The following PRIM2 variants were observed in gnomAD, a reference collection of about 807,000 sequenced individuals.
PRIM2 encodes DNA primase large subunit.
In PRIM2, 39 loss-of-function variants were observed where a neutral mutation model predicts 67.3. That is an observed-to-expected ratio of 0.58 (90% CI 0.45 to 0.76). The LOEUF is 0.76. Ranked by LOEUF, PRIM2 falls within the 30% of genes least tolerant of loss-of-function variation. PRIM2 has a pLI of 0.00. For missense variants in PRIM2, 398 were observed against 598.7 expected, an observed-to-expected ratio of 0.66 and a Z score of 3.50; for synonymous variants, 143 against 198.7, an observed-to-expected ratio of 0.72 and a Z score of 2.36.
the PRIM2 span, among the ~76,000 whole-genome samples, chr6:57,244,083 C>G: frequency 6.6e-6 from 1 of 152,168 alleles, no homozygotes. Context: ...TTTCTGCAAT[C>G]AAGCCTGTGA....
At chr6:57,234,515 T>C in the PRIM2 span, among the ~76,000 whole-genome samples, 10 of 152,150 alleles carry the variant, frequency 6.6e-5, no homozygotes, top group African/African-American at 2.2e-4. Flanking sequence ...CTGTGTTTTA[T>C]TTTTATTTTA....
chr6:57,599,806 T>C (rs1297907739), intron 10 of PRIM2, among the ~76,000 whole-genome samples: 1 of 152,232 alleles, frequency 6.6e-6, no homozygotes, highest in Non-Finnish European at 1.5e-5. Context: ...CAATGCCTGA[T>C]GGTTAGTGAC....
At chr6:57,304,654 C>G in the PRIM2 span, among the ~76,000 whole-genome samples, 1 of 152,058 alleles carries the variant, frequency 6.6e-6, no homozygotes, top group African/African-American at 2.4e-5. Flanking sequence ...GGAAAGGACC[C>G]CTTCCCTCTG....
chr6:57,491,913 C>T (rs1773901220), intron 7 of PRIM2, among the ~76,000 whole-genome samples: 4 of 152,186 alleles, frequency 2.6e-5, no homozygotes, highest in Non-Finnish European at 1.5e-5. Flanking sequence ...GGCAGCTCCA[C>T]CCAGTCCTTC....
At chr6:57,591,252 A>G (rs1306565749) in intron 10 of PRIM2, among the ~76,000 whole-genome samples, 1 of 152,228 alleles carries the variant, frequency 6.6e-6, no homozygotes, top group Non-Finnish European at 1.5e-5. Context: ...CACTCTGGTT[A>G]TTAAAATTAT....
intron 7 of PRIM2, among the ~76,000 whole-genome samples, chr6:57,449,074 T>G (rs1272136019): frequency 6.6e-6 from 1 of 152,232 alleles, no homozygotes; most frequent in Non-Finnish European, 1.5e-5. Context: ...GCACTTTGCC[T>G]AACAACATTT....
upstream of PRIM2, among the ~76,000 whole-genome samples, chr6:57,310,801 G>A (rs1343467111): frequency 1.1e-4 from 16 of 148,938 alleles, no homozygotes; most frequent in African/African-American, 1.5e-4. Flanking sequence ...AGGCAGAGGC[G>A]CCCCTCACTT....
chr6:57,325,189 A>G (rs1767803930), intron 4 of PRIM2, among the ~76,000 whole-genome samples: 1 of 152,148 alleles, frequency 6.6e-6, no homozygotes, highest in African/African-American at 2.4e-5. Flanking sequence ...AGTTAATCTG[A>G]TCAAAGTTGC....
At chr6:57,585,401 T>C (rs2127486501) in intron 10 of PRIM2, among the ~76,000 whole-genome samples, 1 of 152,338 alleles carries the variant, frequency 6.6e-6, no homozygotes, top group Non-Finnish European at 1.5e-5. Flanking sequence ...AAGAGAGACC[T>C]TAGTATAGAA....
At chr6:57,582,612 T>G (rs1319943942) in intron 10 of PRIM2, among the ~76,000 whole-genome samples, 2 of 152,274 alleles carry the variant, frequency 1.3e-5, no homozygotes, top group East Asian at 3.9e-4. Context: ...TCTCTGGTTT[T>G]CATTGAAATC....
chr6:57,332,398 T>A (rs1293175559), intron 5 of PRIM2, among the ~76,000 whole-genome samples: 1 of 152,148 alleles, frequency 6.6e-6, no homozygotes. Flanking sequence ...TGGTCTATAG[T>A]GCTTTTCAAA....
At chr6:57,622,725 A>T (rs1776881758) in intron 12 of PRIM2, among the ~76,000 whole-genome samples, 1 of 152,186 alleles carries the variant, frequency 6.6e-6, no homozygotes, top group South Asian at 2.1e-4. Flanking sequence ...AAAACCATGA[A>T]ATATGAAAAA....
rs1771691069 is a variant in PRIM2, at chr6:57,428,085, T to C, written c.693+45917T>C. Among the ~76,000 whole-genome samples, 5 of 152,014 alleles carry C rather than the reference T, an allele frequency of 3.3e-5. No individual in the cohort carries two copies. In the South Asian group the frequency reaches 8.3e-4, roughly 25 times the overall value. On this transcript the variant is annotated intron_variant, in intron 7 of 13. Transcript: ENST00000615550. Reference sequence around the variant, plus strand: ...TAAAAAAAAAATTGCAGTAGAATTATGGCAGGCTTAATTTTAAACATTTAG... The same window carrying C: ...TAAAAAAAAAATTGCAGTAGAATTACGGCAGGCTTAATTTTAAACATTTAG...
the PRIM2 span, among the ~76,000 whole-genome samples, chr6:57,271,110 C>G: frequency 6.6e-6 from 1 of 152,178 alleles, no homozygotes; most frequent in African/African-American, 2.4e-5. Flanking sequence ...TTGTCTCTGA[C>G]AGGCTTTGGT....
chr6:57,306,227 G>A, the PRIM2 span, among the ~76,000 whole-genome samples: 1 of 152,208 alleles, frequency 6.6e-6, no homozygotes, highest in Middle Eastern at 3.4e-3. Context: ...TTCCTATCCT[G>A]TGTGTCTCTT....
intron 10 of PRIM2, among the ~76,000 whole-genome samples, chr6:57,558,594 A>T (rs1775564791): frequency 6.6e-6 from 1 of 152,086 alleles, no homozygotes; most frequent in Non-Finnish European, 1.5e-5. Flanking sequence ...CAGTTAAAGT[A>T]TTCCTGCTGG....
At chr6:57,562,177 A>C in intron 10 of PRIM2, among the ~76,000 whole-genome samples, 1 of 152,314 alleles carries the variant, frequency 6.6e-6, no homozygotes, top group East Asian at 1.9e-4. Flanking sequence ...AAACAGACAT[A>C]ATAATAAAAT....
chr6:57,293,639 T>C, the PRIM2 span, among the ~76,000 whole-genome samples: 2 of 152,140 alleles, frequency 1.3e-5, no homozygotes, highest in Non-Finnish European at 2.9e-5. Flanking sequence ...ATATACACCA[T>C]GGAATACTAT....
chr6:57,341,274 C>T lies in PRIM2; in HGVS notation c.459+15229C>T, dbSNP rs149659966. 2.6e-5 allele frequency among the ~76,000 whole-genome samples: 4 copies of T among 151,886 alleles called. No individual in the cohort carries two copies. The East Asian group carries it at 5.8e-4, about 22-fold the overall frequency. On this transcript the variant is annotated intron_variant, in intron 5 of 13. Coordinates refer to ENST00000615550, the MANE Select transcript of PRIM2 (RefSeq NM_000947.5). ...CCTCCTAGGGTGTTTATTAGAACGT[C>T]GGTGGAGGTTAGTATAGAGTATAGA...
Sources: allele counts gnomAD v4.1 joint callset (sites outside exome capture counted in the v4.1 genomes callset), GRCh38; gene constraint gnomAD v4.1.1; transcripts MANE v1.5; gene names NCBI Gene and HGNC (gene_info 2026-07-23, HGNC 2026-07-21).